Variants in PTPRD observed in about 807,000 individuals in gnomAD.
PTPRD encodes protein tyrosine phosphatase receptor type D, also known as receptor-type tyrosine-protein phosphatase delta.
In PTPRD, 34 loss-of-function variants were observed where a neutral mutation model predicts 214.5. The ratio of observed to expected loss-of-function variants is 0.16; its 90% CI spans 0.12 to 0.21. The LOEUF is 0.21. Among genes scored for constraint, PTPRD ranks in the 10% least tolerant of loss-of-function variants. PTPRD has a pLI of 1.00. For missense variants in PTPRD, 2,545 were observed against 2,398.7 expected (o/e 1.06, Z -1.27); for synonymous variants, 1,128 against 845.7 (o/e 1.33, Z -5.79).
chr9:8,812,528 C>G (rs2096830984), intron 11 of PTPRD, among the ~76,000 whole-genome samples: 1 of 152,122 alleles, frequency 6.6e-6, no homozygotes, highest in African/African-American at 2.4e-5. Flanking sequence ...TTAATATATT[C>G]TGAAAGTACA....
intron 10 of PTPRD, among the ~76,000 whole-genome samples, chr9:9,048,049 G>A (rs1304595133): frequency 6.6e-6 from 1 of 152,108 alleles, no homozygotes; most frequent in African/African-American, 2.4e-5. Flanking sequence ...ATAAGAAAAG[G>A]TGCTTGACAT....
chr9:9,896,966 A>G, intron 5 of PTPRD, among the ~76,000 whole-genome samples: 1 of 152,068 alleles, frequency 6.6e-6, no homozygotes, highest in East Asian at 1.9e-4. Context: ...TAGTTTCTCA[A>G]ATAATCTCTG....
intron 11 of PTPRD, among the ~76,000 whole-genome samples, chr9:8,996,076 A>G (rs927095813): frequency 5.3e-5 from 8 of 152,110 alleles, no homozygotes; most frequent in African/African-American, 1.7e-4. Context: ...CATACACTTT[A>G]TATGCAACTT....
chr9:9,765,097 T>C (rs1285951488), intron 6 of PTPRD, among the ~76,000 whole-genome samples: 5 of 152,248 alleles, frequency 3.3e-5, no homozygotes, highest in Admixed American at 2.6e-4. Context: ...CTTATTTTCT[T>C]TGGATATTCT....
At chr9:9,881,694 C>T (rs1027067594) in intron 5 of PTPRD, among the ~76,000 whole-genome samples, 4 of 152,066 alleles carry the variant, frequency 2.6e-5, no homozygotes, top group South Asian at 2.1e-4. Flanking sequence ...GCCACTTTAC[C>T]GCAACCGTCT....
chr9:9,340,194 T>G (rs1393462753), intron 9 of PTPRD, among the ~76,000 whole-genome samples: 1 of 152,080 alleles, frequency 6.6e-6, no homozygotes, highest in Non-Finnish European at 1.5e-5. Flanking sequence ...GGAGGAAAAT[T>G]AACAGCCCAT....
intron 2 of PTPRD, among the ~76,000 whole-genome samples, chr9:10,378,696 C>T (rs1220376696): frequency 1.3e-5 from 2 of 151,946 alleles, no homozygotes; most frequent in Non-Finnish European, 2.9e-5. Context: ...TATTCCAGTG[C>T]CATGCTGTTT....
intron 7 of PTPRD, among the ~76,000 whole-genome samples, chr9:9,686,333 TA>T (rs1408143177): frequency 2.0e-5 from 3 of 151,488 alleles, no homozygotes; most frequent in Admixed American, 1.3e-4. Flanking sequence ...CTCATTTTTT[TA>T]CTGTGTATTC....
intron 6 of PTPRD, among the ~76,000 whole-genome samples, chr9:9,759,621 G>C (rs191349989): frequency 2.1e-5 from 3 of 143,600 alleles, no homozygotes; most frequent in East Asian, 2.2e-4. Flanking sequence ...GTAGTGACGC[G>C]ATCTCAGCTC....
intron 14 of PTPRD, among the ~76,000 whole-genome samples, chr9:8,589,358 T>A (rs1215761009): frequency 6.6e-6 from 1 of 152,184 alleles, no homozygotes; most frequent in African/African-American, 2.4e-5. Context: ...CTAGATATGG[T>A]TCTCGTAAGT....
At chr9:10,214,569 C>A (rs905399309) in intron 3 of PTPRD, among the ~76,000 whole-genome samples, 5 of 151,818 alleles carry the variant, frequency 3.3e-5, no homozygotes, top group African/African-American at 1.2e-4. Context: ...AGCTATTGCA[C>A]CCAGCCAACT....
chr9:9,844,754 G>A (rs2059096283), intron 5 of PTPRD, among the ~76,000 whole-genome samples: 1 of 151,684 alleles, frequency 6.6e-6, no homozygotes, highest in Admixed American at 6.6e-5. Context: ...CAAGTTCCTA[G>A]CAGAAAAATC....
intron 3 of PTPRD, among the ~76,000 whole-genome samples, chr9:10,034,522 G>C (rs1344348035): frequency 6.6e-6 from 1 of 150,464 alleles, no homozygotes; most frequent in African/African-American, 2.4e-5. Flanking sequence ...TTCATTACCG[G>C]GGTATTAAGC....
chr9:9,292,513 A>G (rs955330258), intron 9 of PTPRD, among the ~76,000 whole-genome samples: 3 of 151,450 alleles, frequency 2.0e-5, no homozygotes, highest in Non-Finnish European at 4.4e-5. Context: ...TAGTACAAAG[A>G]GTTCTCATAT....
Position 8,675,923 on chromosome 9 carries a change from T to C in PTPRD, c.65-39079A>G, listed in dbSNP as rs115676219. On this transcript the variant is annotated intron_variant, in intron 12 of 45. Coordinates refer to ENST00000381196, the MANE Select transcript of PTPRD (RefSeq NM_002839.4). ...CCCATCATTACTTCCCTCTGTGACA[T>C]ACTGCAATGTGCTCCTGGTCCCTGA... Among the ~76,000 whole-genome samples, 951 of 152,302 alleles carry C rather than the reference T, an allele frequency of 6.2e-3. 11 individuals carry two copies. The highest frequency in any genetic ancestry group is 0.022 in the African/African-American group (921 of 41,560).
At chr9:8,833,970 A>G (rs1019591973) in intron 11 of PTPRD, among the ~76,000 whole-genome samples, 1 of 145,114 alleles carries the variant, frequency 6.9e-6, no homozygotes, top group Non-Finnish European at 1.5e-5. Context: ...AAATTCACCT[A>G]ACAGGTAGAC....
intron 7 of PTPRD, among the ~76,000 whole-genome samples, chr9:9,694,897 C>T (rs757006555): frequency 6.4e-4 from 98 of 152,256 alleles, no homozygotes; most frequent in African/African-American, 2.2e-3. Flanking sequence ...CCAGAAATGC[C>T]GTCCAAGAGC....
chr9:9,573,467 G>C (rs1185803224), intron 8 of PTPRD, among the ~76,000 whole-genome samples: 1 of 150,106 alleles, frequency 6.7e-6, no homozygotes, highest in Non-Finnish European at 1.5e-5. Flanking sequence ...AATTCATTTT[G>C]TAACAATTCA....
chr9:8,372,399 G>A (rs924668518), intron 39 of PTPRD, among the ~76,000 whole-genome samples: 1 of 151,912 alleles, frequency 6.6e-6, no homozygotes, highest in African/African-American at 2.4e-5. Context: ...TGCTTTATAT[G>A]TATCTATTTT....
Sources: allele counts gnomAD v4.1 joint callset (sites outside exome capture counted in the v4.1 genomes callset), GRCh38; gene constraint gnomAD v4.1.1; transcripts MANE v1.5; gene names NCBI Gene and HGNC (gene_info 2026-07-23, HGNC 2026-07-21).